DMXL2: variants seen among roughly 807,000 people sequenced by gnomAD.
DMXL2 encodes dmX-like protein 2.
A neutral mutation model predicts 331.1 loss-of-function variants in DMXL2; 103 were observed. The observed-to-expected ratio is 0.31, with a 90% CI of 0.27 to 0.37. The LOEUF is 0.37. Ranked by LOEUF, DMXL2 falls within the 10% of genes least tolerant of loss-of-function variation. The probability of loss-of-function intolerance (pLI) is 1.00; values close to 1 mark genes in which losing one functional copy is unlikely to be tolerated. For synonymous variants in DMXL2, 1,281 were observed against 1,252.1 expected (o/e 1.02, Z -0.49); for missense variants, 3,171 against 3,642.9 (o/e 0.87, Z 3.33).
Position 51,576,185 on chromosome 15 carries a change from A to G in DMXL2, c.88-4T>C. ...TATCACAGCCTGATCCATATGCCTA[A>G]AAAAAAAAAAAAAAAAAAGTTTTAC... is the stretch of plus-strand genomic sequence containing the variant. On this transcript the variant is annotated splice_region_variant and splice_polypyrimidine_tract_variant and intron_variant, in intron 1 of 43. Transcript: ENST00000560891. 1 of 981,870 alleles carries G rather than the reference A, an allele frequency of 1.0e-6. No individual in the cohort carries two copies. The highest frequency in any genetic ancestry group is 1.4e-6 in the Non-Finnish European group (1 of 737,104). The allele number at this position is 981,870 out of a possible 1,614,324, so 60.8% of individuals were successfully genotyped here.
intron 18 of DMXL2, among the ~76,000 whole-genome samples, chr15:51,497,330 A>C (rs2043255084): frequency 6.6e-6 from 1 of 152,232 alleles, no homozygotes; most frequent in East Asian, 1.9e-4. Context: ...TCTGGAAATC[A>C]TGAAATAGTT....
chr15:51,621,893 T>C (rs115602342), intron 1 of DMXL2, among the ~76,000 whole-genome samples: 306 of 152,302 alleles, frequency 2.0e-3, no homozygotes, highest in African/African-American at 7.2e-3. Flanking sequence ...AATTTTTCTA[T>C]CTTTTTGTTG....
chr15:51,488,453 G>T, intron 21 of DMXL2, 95 bp downstream of exon 21: 1 of 1,080,628 alleles, frequency 9.3e-7, no homozygotes, highest in Non-Finnish European at 1.4e-6. Context: ...ATTTGATGAA[G>T]CTCATATACC....
chr15:51,528,451 ATATCAGTATCAT>A (rs1434665945), intron 13 of DMXL2, among the ~76,000 whole-genome samples: 7 of 152,154 alleles, frequency 4.6e-5, no homozygotes, highest in African/African-American at 1.7e-4. Flanking sequence ...AGATATACTG[ATATCAGTATCAT>A]TATTTTCTGA....
intron 1 of DMXL2, among the ~76,000 whole-genome samples, chr15:51,592,765 A>T (rs529565307): frequency 1.5e-4 from 21 of 136,938 alleles, no homozygotes; most frequent in Admixed American, 9.8e-4. Context: ...AATATTCAAC[A>T]TTCTTAAAGA....
chr15:51,568,414 C>A lies in DMXL2; in HGVS notation c.285+73G>T, dbSNP rs140386458. 1.4e-3 allele frequency: 1,427 copies of A among 1,047,748 alleles called. 12 individuals are homozygous for A. In the African/African-American group the frequency reaches 0.022, roughly 16 times the overall value. The allele number at this position is 1,047,748 out of a possible 1,614,324, so 64.9% of individuals were successfully genotyped here. A position where few individuals can be genotyped will look rare whatever the true frequency, so the allele number is the denominator to read the frequency against. On this transcript the variant is annotated intron_variant, in intron 3 of 43. Coordinates refer to ENST00000560891, the MANE Select transcript of DMXL2 (RefSeq NM_001378457.1). ...ATTTTCAGCACTAGCTCCTAAGGAG[C>A]TTTTTATTAACATCAATTGGATTCT...
chr15:51,563,836 C>G (rs963712060), intron 5 of DMXL2, among the ~76,000 whole-genome samples: 8 of 151,996 alleles, frequency 5.3e-5, no homozygotes, highest in African/African-American at 1.9e-4. Context: ...CATCTTCCCC[C>G]TCTCCATCCT....
intron 36 of DMXL2, 35 bp downstream of exon 36, chr15:51,458,471 A>AG: frequency 6.2e-7 from 1 of 1,603,078 alleles, no homozygotes; most frequent in Non-Finnish European, 8.5e-7. Flanking sequence ...TACTTCTTAC[A>AG]GAAAACTATA....
chr15:51,598,436 G>A (rs1778072591), intron 1 of DMXL2, among the ~76,000 whole-genome samples: 1 of 152,098 alleles, frequency 6.6e-6, no homozygotes, highest in Admixed American at 6.5e-5. Flanking sequence ...ATCGGGCAAT[G>A]GATACTGATA....
intron 33 of DMXL2, chr15:51,460,122 CTAAG>C: frequency 6.2e-6 from 6 of 960,924 alleles, no homozygotes; most frequent in Middle Eastern, 5.4e-4. Flanking sequence ...TGATTTTTCT[CTAAG>C]TAAATAAATG....
chr15:51,489,656 A>G (rs1396851445), intron 20 of DMXL2, among the ~76,000 whole-genome samples: 3 of 152,076 alleles, frequency 2.0e-5, no homozygotes, highest in African/African-American at 7.2e-5. Context: ...CTCTGTCTCA[A>G]AGAAAAAAAA....
At position 51,464,783 on chromosome 15, in the gene DMXL2, C is replaced by A. The variant is rs772765195; in HGVS notation, c.7700G>T (p.Gly2567Val). 3.7e-6 allele frequency: 6 copies of A among 1,613,962 alleles called. No homozygotes were observed. Among genetic ancestry groups the A allele is most frequent in the Non-Finnish European group, 4.2e-6 (5 of 1,179,992 alleles). The change falls in exon 32 of 44, where the codon GGT becomes GTT. Residue 2567 changes from glycine to valine, a missense_variant. By Grantham distance (109) the Gly-to-Val change is moderately radical. Around this residue, in one of 7 missense-constraint regions of DMXL2, gnomAD observed 766 missense variants for 940.5 expected, o/e 0.81. Coordinates refer to ENST00000560891, the MANE Select transcript of DMXL2 (RefSeq NM_001378457.1). ...TGTGTTGATATAGTTAGGGGGTGGA[C>A]CTTCAAACTGATCCATTTTCTCTTG... Reference protein sequence around the residue: ...ILQEKMDQFEGPPPNYINTYP... With the variant: ...ILQEKMDQFEVPPPNYINTYP...
intron 9 of DMXL2, among the ~76,000 whole-genome samples, chr15:51,540,427 T>C (rs749134283): frequency 6.6e-6 from 1 of 152,164 alleles, no homozygotes; most frequent in Non-Finnish European, 1.5e-5. Flanking sequence ...TTTAGGATAA[T>C]TAGGGTATAT....
At chr15:51,517,595 C>T (rs2047107854) in intron 13 of DMXL2, among the ~76,000 whole-genome samples, 1 of 152,190 alleles carries the variant, frequency 6.6e-6, no homozygotes, top group Non-Finnish European at 1.5e-5. Flanking sequence ...CAAATGAAGC[C>T]TAACTTTGGA....
intron 1 of DMXL2, among the ~76,000 whole-genome samples, chr15:51,583,106 C>CTTT (rs57226377): frequency 4.7e-4 from 41 of 87,156 alleles, no homozygotes; most frequent in Middle Eastern, 7.0e-3. Context: ...CTTCATTCTT[C>CTTT]TTTTTTTTTT....
chr15:51,516,948 G>T, intron 14 of DMXL2, 130 bp downstream of exon 14: 1 of 723,752 alleles, frequency 1.4e-6, no homozygotes. Context: ...TTCACTATGG[G>T]AATCAACATA....
At chr15:51,451,734 A>G (rs2039158876) in intron 41 of DMXL2, 37 bp from the exon 42 acceptor site, 1 of 1,554,430 alleles carries the variant, frequency 6.4e-7, no homozygotes, top group Non-Finnish European at 8.8e-7. Context: ...TACATCATAA[A>G]TGATTGTTAT....
At chr15:51,601,650 T>G (rs903392430) in intron 1 of DMXL2, among the ~76,000 whole-genome samples, 1 of 152,244 alleles carries the variant, frequency 6.6e-6, no homozygotes, top group African/African-American at 2.4e-5. Context: ...ACTATCTTAA[T>G]GACTACAACT....
intron 23 of DMXL2, among the ~76,000 whole-genome samples, chr15:51,485,114 A>C (rs1351747229): frequency 6.6e-6 from 1 of 151,998 alleles, no homozygotes; most frequent in African/African-American, 2.4e-5. Context: ...GGACACTATT[A>C]AGTAAACAAA....
Sources: gnomAD v4.1 joint callset for allele counts (sites outside exome capture counted in the v4.1 genomes callset) on GRCh38, gnomAD v4.1.1 for gene constraint, gnomAD v4.1.1 regional missense constraint, MANE v1.5 for transcripts, NCBI Gene and HGNC (gene_info 2026-07-23, HGNC 2026-07-21) for gene names.